UBAP2L: variants seen among roughly 807,000 people sequenced by gnomAD.
The protein encoded by UBAP2L is ubiquitin-associated protein 2-like.
In UBAP2L, 12 loss-of-function variants were observed where a neutral mutation model predicts 130.6. The ratio of observed to expected loss-of-function variants is 0.09; its 90% CI spans 0.06 to 0.15. The LOEUF (loss-of-function observed/expected upper bound fraction) is 0.15. Ranked by LOEUF, UBAP2L falls within the 10% of genes least tolerant of loss-of-function variation. The pLI, the probability that UBAP2L is intolerant of heterozygous loss-of-function variation, is 1.00. For synonymous variants in UBAP2L, 503 were observed against 524.7 expected (o/e 0.96, Z 0.57); for missense variants, 965 against 1,332.5 (o/e 0.72, Z 4.29).
chr1:154,245,732 G>A (rs1223849192), intron 10 of UBAP2L, among the ~76,000 whole-genome samples: 1 of 151,724 alleles, frequency 6.6e-6, no homozygotes, highest in Admixed American at 6.6e-5. Flanking sequence ...TGGCTAACAC[G>A]TGAAACCCCT....
At chr1:154,260,314 C>G (rs569393902) in intron 22 of UBAP2L, among the ~76,000 whole-genome samples, 1 of 152,242 alleles carries the variant, frequency 6.6e-6, no homozygotes, top group South Asian at 2.1e-4. Flanking sequence ...TCAAGACCAG[C>G]CTGGGCAACA....
Position 154,236,122 on chromosome 1 carries a change from A to ATG in UBAP2L, c.545-440_545-439dup, listed in dbSNP as rs1390649725. Among the ~76,000 whole-genome samples the ATG allele has an allele frequency of 2.6e-5, 4 of 152,302 alleles. No individual in the cohort carries two copies. The South Asian group carries it at 8.3e-4, about 32-fold the overall frequency. ...TAATGATTGTCCTACTCTATTACTG[A>ATG]TGTGTAACATGGGACAGAGAGAAAG... On this transcript the variant is annotated intron_variant, in intron 6 of 26. Coordinates refer to ENST00000428931, the MANE Select transcript of UBAP2L (RefSeq NM_014847.4).
At chr1:154,221,595 T>G (rs1399621101) in intron 1 of UBAP2L, among the ~76,000 whole-genome samples, 2 of 152,090 alleles carry the variant, frequency 1.3e-5, no homozygotes, top group Non-Finnish European at 2.9e-5. Flanking sequence ...TTGTTCCGGC[T>G]GGGAGGTAGG....
chr1:154,261,552 G>C (rs375046323), intron 23 of UBAP2L, 40 bp from the exon 24 acceptor site: 1 of 1,592,600 alleles, frequency 6.3e-7, no homozygotes, highest in Admixed American at 1.7e-5. Context: ...ATGGTATTCT[G>C]CTGCCAAGTC....
chr1:154,270,688 C>A lies in UBAP2L; in HGVS notation c.*393C>A, dbSNP rs1684557320. On this transcript the variant is annotated 3_prime_UTR_variant, in exon 27 of 27. Coordinates refer to ENST00000428931, the MANE Select transcript of UBAP2L (RefSeq NM_014847.4). ...GTCTCCTTCTTTATTATTAGGAAAA[C>A]AACAACAACAACAAACAAAAAAATG... 1 of 1,356,366 alleles carries A rather than the reference C, an allele frequency of 7.4e-7. No homozygotes were observed. Among genetic ancestry groups the A allele is most frequent in the Non-Finnish European group, 9.5e-7 (1 of 1,057,082 alleles). The allele number at this position is 1,356,366 out of a possible 1,614,324, so 84.0% of individuals were successfully genotyped here. A position where few individuals can be genotyped will look rare whatever the true frequency, so the allele number is the denominator to read the frequency against.
chr1:154,269,504 G>A (rs1395410228), intron 26 of UBAP2L: 13 of 1,114,546 alleles, frequency 1.2e-5, no homozygotes, highest in South Asian at 6.5e-5. Flanking sequence ...AAGACTGCGC[G>A]GTCACAAATC....
intron 16 of UBAP2L, 130 bp downstream of exon 16, chr1:154,255,020 G>T (rs1571887813): frequency 1.4e-6 from 2 of 1,416,914 alleles, no homozygotes; most frequent in East Asian, 4.6e-5. Flanking sequence ...AAAGAAAAAA[G>T]ATTCTACCTA....
chr1:154,266,400 C>T (rs1215547521), intron 24 of UBAP2L, 101 bp from the exon 25 acceptor site: 1 of 1,267,472 alleles, frequency 7.9e-7, no homozygotes, highest in African/African-American at 1.5e-5. Context: ...AATTCCCTTG[C>T]ATTGGTATAG....
chr1:154,264,451 T>C (rs1290532106), intron 24 of UBAP2L, among the ~76,000 whole-genome samples: 1 of 152,034 alleles, frequency 6.6e-6, no homozygotes, highest in East Asian at 1.9e-4. Context: ...TGGTGAGGGG[T>C]AGTGAAATCA....
At chr1:154,254,539 G>A (rs908429949) in intron 15 of UBAP2L, 3 of 502,198 alleles carry the variant, frequency 6.0e-6, no homozygotes, top group East Asian at 7.4e-5. Flanking sequence ...ACTGGATGTG[G>A]ACTTTGGGCC....
At chr1:154,224,811 C>T (rs1667417778) in intron 1 of UBAP2L, among the ~76,000 whole-genome samples, 1 of 152,112 alleles carries the variant, frequency 6.6e-6, no homozygotes, top group African/African-American at 2.4e-5. Context: ...AATGTAAAGT[C>T]TGCTTATGGG....
intron 9 of UBAP2L, among the ~76,000 whole-genome samples, chr1:154,242,615 A>G (rs1673944332): frequency 6.6e-6 from 1 of 152,224 alleles, no homozygotes; most frequent in African/African-American, 2.4e-5. Flanking sequence ...ATAGTAGGAA[A>G]AGTTAATCCC....
At position 154,259,943 on chromosome 1, in the gene UBAP2L, T is replaced by C; in HGVS notation, c.2497-5T>C. On this transcript the variant is annotated splice_region_variant and splice_polypyrimidine_tract_variant and intron_variant, in intron 21 of 26. Transcript: ENST00000428931. Reference sequence around the variant, plus strand: ...ATCTCTGCTCTTTTTTCCCCTCTTTTCTAGGATTACTACAGCATCCCATTT... The same window carrying C: ...ATCTCTGCTCTTTTTTCCCCTCTTTCCTAGGATTACTACAGCATCCCATTT... 6.2e-7 allele frequency: 1 copy of C among 1,613,900 alleles called. No homozygotes were observed. Among genetic ancestry groups the C allele is most frequent in the East Asian group, 2.2e-5 (1 of 44,876 alleles).
chr1:154,264,563 A>G (rs1682641950), intron 24 of UBAP2L, among the ~76,000 whole-genome samples: 1 of 152,112 alleles, frequency 6.6e-6, no homozygotes, highest in South Asian at 2.1e-4. Flanking sequence ...ACCTCATATC[A>G]AAGATAAGGC....
At chr1:154,230,255 C>CCT (rs1335790042) in intron 4 of UBAP2L, among the ~76,000 whole-genome samples, 2 of 152,202 alleles carry the variant, frequency 1.3e-5, no homozygotes, top group Non-Finnish European at 2.9e-5. Context: ...AATCCTCCTG[C>CCT]CTCGGCCTTC....
rs543117513 is a variant in UBAP2L, at chr1:154,236,907, G to A, written c.591-117G>A. On this transcript the variant is annotated intron_variant, in intron 7 of 26. Coordinates refer to ENST00000428931, the MANE Select transcript of UBAP2L (RefSeq NM_014847.4). The stretch of plus-strand genomic sequence containing the variant: ...AAAGTAGATGACACACAGGATTATA[G>A]AATGGGGCCATGACAGATTTGTACT... The A allele has an allele frequency of 2.2e-3, 1,722 of 786,106 alleles. 26 individuals are homozygous for A. The highest frequency in any genetic ancestry group is 0.018 in the South Asian group (1,025 of 56,954). The allele number at this position is 786,106 out of a possible 1,614,324, so 48.7% of individuals were successfully genotyped here. A position where few individuals can be genotyped will look rare whatever the true frequency, so the allele number is the denominator to read the frequency against.
intron 4 of UBAP2L, among the ~76,000 whole-genome samples, chr1:154,231,558 C>T (rs536569407): frequency 7.3e-4 from 111 of 152,194 alleles, no homozygotes; most frequent in Non-Finnish European, 8.2e-4. Flanking sequence ...TCCTTGGCCT[C>T]GGAAAGTGCT....
At chr1:154,245,780 C>G (rs1675256261) in intron 10 of UBAP2L, among the ~76,000 whole-genome samples, 1 of 151,880 alleles carries the variant, frequency 6.6e-6, no homozygotes, top group African/African-American at 2.4e-5. Flanking sequence ...ATTAGCCGGG[C>G]GTGGTGGCAG....
chr1:154,234,851 C>T (rs769333366), intron 5 of UBAP2L, 92 bp downstream of exon 5: 150 of 1,505,198 alleles, frequency 1.0e-4, no homozygotes, highest in Non-Finnish European at 1.3e-4. Context: ...GACCTAGGAA[C>T]CATTATATTA....
Sources: gnomAD v4.1 joint callset for allele counts (sites outside exome capture counted in the v4.1 genomes callset) on GRCh38, gnomAD v4.1.1 for gene constraint, MANE v1.5 for transcripts, NCBI Gene and HGNC (gene_info 2026-07-23, HGNC 2026-07-21) for gene names.